Variants in SHROOM4 observed in about 807,000 individuals in gnomAD.
The protein encoded by SHROOM4 is protein Shroom4.
A neutral mutation model predicts 80.3 loss-of-function variants in SHROOM4; 17 were observed. That is an observed-to-expected ratio of 0.21 (90% CI 0.14 to 0.32). The LOEUF is 0.32. SHROOM4 is among the 10% of genes least tolerant of loss of function. The pLI is 1.00. For missense variants in SHROOM4, 993 were observed against 1,140.3 expected (o/e 0.87, Z 1.86); for synonymous variants, 400 against 437.5 (o/e 0.91, Z 1.07).
intron 1 of SHROOM4, among the ~76,000 whole-genome samples, chrX:50,796,358 A>C (rs150564628): frequency 8.9e-6 from 1 of 111,970 alleles, no homozygotes; most frequent in East Asian, 2.8e-4. Context: ...TATGGAAGAA[A>C]GATTTTTTCA....
At chrX:50,650,729 A>G (rs1932016117) in intron 2 of SHROOM4, among the ~76,000 whole-genome samples, 1 of 112,294 alleles carries the variant, frequency 8.9e-6, no homozygotes, top group Non-Finnish European at 1.9e-5. Flanking sequence ...CAACTGTCTG[A>G]TATAACTGTC....
rs1189926995 is a variant in SHROOM4 at position 50,587,113 on chromosome X, T to C, written c.*9582A>G. Among the ~76,000 whole-genome samples the C allele has an allele frequency of 1.8e-5, 2 of 112,043 alleles. No homozygotes were observed. The highest frequency in any genetic ancestry group is 3.2e-5 in the African/African-American group (1 of 30,860). ...CCCCTGTGTGTTTGACTTTTTTAGC[T>C]TCCACATATGAGATTACGCAGTATT... On this transcript the variant is annotated 3_prime_UTR_variant, in exon 9 of 9. Coordinates refer to ENST00000376020, the MANE Select transcript of SHROOM4 (RefSeq NM_020717.5).
intron 1 of SHROOM4, among the ~76,000 whole-genome samples, chrX:50,801,291 A>AGAGAGAGAGAGAGAGAGAGAGAGAG (rs782711842): frequency 2.9e-5 from 3 of 103,558 alleles, no homozygotes; most frequent in East Asian, 3.1e-4. Context: ...AGAGAGAGAG[A>AGAGAGAGAGAGAGAGAGAGAGAGAG]ACACGTACTG....
intron 4 of SHROOM4, among the ~76,000 whole-genome samples, chrX:50,632,690 A>G (rs1931121173): frequency 8.9e-6 from 1 of 112,327 alleles, no homozygotes; most frequent in African/African-American, 3.2e-5. Context: ...ATGGGAGGCA[A>G]TAAGTGATAT....
At chrX:50,752,387 T>A (rs1256037635) in intron 1 of SHROOM4, among the ~76,000 whole-genome samples, 1 of 111,966 alleles carries the variant, frequency 8.9e-6, no homozygotes. Context: ...GATGGCCACC[T>A]GCCTTACTTT....
chrX:50,583,116 T>G (rs1258941614), downstream of SHROOM4, among the ~76,000 whole-genome samples: 4 of 109,686 alleles, frequency 3.6e-5, no homozygotes, highest in African/African-American at 1.3e-4. Flanking sequence ...TATTAATAAC[T>G]CCAAATGACT....
At chrX:50,803,974 A>C (rs1010473995) in intron 1 of SHROOM4, among the ~76,000 whole-genome samples, 1 of 111,780 alleles carries the variant, frequency 8.9e-6, no homozygotes, top group South Asian at 3.8e-4. Flanking sequence ...TGGTCTTCCA[A>C]CTTTTTGCAG....
intron 1 of SHROOM4, among the ~76,000 whole-genome samples, chrX:50,747,108 A>G (rs1557267659): frequency 8.9e-6 from 1 of 112,069 alleles, no homozygotes; most frequent in African/African-American, 3.2e-5. Context: ...CATAGTGACT[A>G]GCACAGGAGA....
chrX:50,605,561 C>G (rs898018698), intron 6 of SHROOM4, among the ~76,000 whole-genome samples: 4 of 112,642 alleles, frequency 3.6e-5, no homozygotes, highest in Non-Finnish European at 7.5e-5. Flanking sequence ...GGGAGCTACA[C>G]AAAGAAGGAA....
Position 50,589,479 on chromosome X carries a change from C to T in SHROOM4, c.*7216G>A, listed in dbSNP as rs1928822837. Among the ~76,000 whole-genome samples the T allele has an allele frequency of 9.0e-6, 1 of 111,518 alleles. No homozygotes were observed. The highest frequency in any genetic ancestry group is 1.9e-5 in the Non-Finnish European group (1 of 53,091). ...GCCTTGACAACCACTAATCTGCTTT[C>T]TACCTTTATAGATTTGCCTGTTTGG... On this transcript the variant is annotated 3_prime_UTR_variant, in exon 9 of 9. Coordinates refer to ENST00000376020, the MANE Select transcript of SHROOM4 (RefSeq NM_020717.5).
intron 5 of SHROOM4, among the ~76,000 whole-genome samples, chrX:50,608,991 A>G (rs782520832): frequency 8.9e-6 from 1 of 112,121 alleles, no homozygotes; most frequent in South Asian, 3.8e-4. Flanking sequence ...GGCCAGACAC[A>G]GTGGCTTATG....
At chrX:50,708,243 T>G (rs1179696051) in intron 1 of SHROOM4, among the ~76,000 whole-genome samples, 2 of 111,845 alleles carry the variant, frequency 1.8e-5, no homozygotes, top group African/African-American at 6.5e-5. Flanking sequence ...GGATAGCAAA[T>G]ATTCTGGGTC....
At chrX:50,754,006 C>T (rs1481330524) in intron 1 of SHROOM4, among the ~76,000 whole-genome samples, 1 of 112,092 alleles carries the variant, frequency 8.9e-6, no homozygotes, top group African/African-American at 3.2e-5. Context: ...CTAATGCATA[C>T]ATAACGCTTA....
At chrX:50,751,433 C>G (rs1934915862) in intron 1 of SHROOM4, among the ~76,000 whole-genome samples, 1 of 112,133 alleles carries the variant, frequency 8.9e-6, no homozygotes. Flanking sequence ...TTCTCTATCA[C>G]TAGGGCAAAA....
At chrX:50,615,793 A>C (rs782601692) in intron 5 of SHROOM4, among the ~76,000 whole-genome samples, 20 of 109,280 alleles carry the variant, frequency 1.8e-4, no homozygotes, top group African/African-American at 6.0e-4. Flanking sequence ...TGGTGGGGGG[A>C]GGGGGAGTGG....
chrX:50,575,728 G>T, the SHROOM4 span, among the ~76,000 whole-genome samples: 1 of 111,597 alleles, frequency 9.0e-6, no homozygotes, highest in Non-Finnish European at 1.9e-5. Context: ...TCTATTCCTA[G>T]TTAGCTGTGA....
chrX:50,735,789 C>T (rs781939024), intron 1 of SHROOM4, among the ~76,000 whole-genome samples: 1 of 111,069 alleles, frequency 9.0e-6, no homozygotes, highest in East Asian at 2.8e-4. Flanking sequence ...GGGCGGATCA[C>T]GAGGTCAGGA....
intron 2 of SHROOM4, among the ~76,000 whole-genome samples, chrX:50,661,734 T>C (rs1557259991): frequency 8.9e-6 from 1 of 111,999 alleles, no homozygotes. Flanking sequence ...AGACCTTTCC[T>C]GACTAGTCTT....
chrX:50,618,346 T>TCCTA (rs1930381662), intron 5 of SHROOM4, among the ~76,000 whole-genome samples: 1 of 11,421 alleles, frequency 8.8e-5, no homozygotes, highest in African/African-American at 4.4e-4. Flanking sequence ...CTTCCTTCCT[T>TCCTA]CCTTCCTTCC....
Sources: gnomAD v4.1 joint callset for allele counts (sites outside exome capture counted in the v4.1 genomes callset) on GRCh38, gnomAD v4.1.1 for gene constraint, MANE v1.5 for transcripts, NCBI Gene and HGNC (gene_info 2026-07-23, HGNC 2026-07-21) for gene names.